DSCAM: variants seen among roughly 807,000 people sequenced by gnomAD.
DSCAM encodes cell adhesion molecule DSCAM.
In DSCAM, 47 loss-of-function variants were observed where a neutral mutation model predicts 217.7. The ratio of observed to expected loss-of-function variants is 0.22; its 90% CI spans 0.17 to 0.28. The LOEUF (loss-of-function observed/expected upper bound fraction) is 0.28. Ranked by LOEUF, DSCAM falls within the 10% of genes least tolerant of loss-of-function variation. DSCAM has a pLI of 1.00. For missense variants in DSCAM, 2,080 were observed against 2,618.3 expected (o/e 0.79, Z 4.49); for synonymous variants, 1,056 against 1,015.3 (o/e 1.04, Z -0.76).
intron 3 of DSCAM, among the ~76,000 whole-genome samples, chr21:40,683,557 G>A (rs1195474802): frequency 2.6e-5 from 4 of 152,084 alleles, no homozygotes; most frequent in Admixed American, 6.6e-5. Flanking sequence ...CAAGAAATAC[G>A]GTAATTACTA....
chr21:40,293,131 C>A (rs1370421253), intron 10 of DSCAM, among the ~76,000 whole-genome samples: 1 of 152,142 alleles, frequency 6.6e-6, no homozygotes, highest in Admixed American at 6.5e-5. Context: ...GTATCCAACA[C>A]CCCCTCTGAC....
intron 11 of DSCAM, among the ~76,000 whole-genome samples, chr21:40,258,705 T>C (rs2073407477): frequency 1.3e-5 from 2 of 152,262 alleles, no homozygotes; most frequent in Non-Finnish European, 2.9e-5. Flanking sequence ...CATTAGGTCA[T>C]AGCCTGTTCC....
chr21:40,710,349 C>G (rs150134690), intron 1 of DSCAM, among the ~76,000 whole-genome samples: 1 of 152,298 alleles, frequency 6.6e-6, no homozygotes, highest in African/African-American at 2.4e-5. Context: ...CCTACAGTGT[C>G]TGTTTTGATT....
intron 1 of DSCAM, among the ~76,000 whole-genome samples, chr21:40,823,075 G>A (rs963123353): frequency 2.6e-5 from 4 of 152,128 alleles, no homozygotes; most frequent in South Asian, 2.1e-4. Context: ...GCTTGAACCC[G>A]GGAGGCAGAA....
intron 1 of DSCAM, among the ~76,000 whole-genome samples, chr21:40,794,431 C>A (rs927657519): frequency 2.0e-5 from 3 of 151,502 alleles, no homozygotes; most frequent in African/African-American, 7.3e-5. Flanking sequence ...GGGACTCAGG[C>A]AACATCAGTT....
intron 3 of DSCAM, among the ~76,000 whole-genome samples, chr21:40,672,196 T>C (rs755794173): frequency 1.1e-4 from 17 of 152,138 alleles, no homozygotes; most frequent in Non-Finnish European, 2.1e-4. Context: ...ACAGTCACAT[T>C]GGGGGTTAGG....
chr21:40,207,140 T>C (rs928679690), intron 11 of DSCAM, among the ~76,000 whole-genome samples: 3 of 151,896 alleles, frequency 2.0e-5, no homozygotes, highest in East Asian at 1.9e-4. Context: ...GTAACTATAG[T>C]AAAAAAGTAT....
At chr21:40,814,740 GA>G (rs2123559297) in intron 1 of DSCAM, among the ~76,000 whole-genome samples, 1 of 152,326 alleles carries the variant, frequency 6.6e-6, no homozygotes, top group Non-Finnish European at 1.5e-5. Flanking sequence ...TGCAGAGGCA[GA>G]AATAAAAACA....
chr21:40,407,098 T>C (rs1247914735), intron 3 of DSCAM, among the ~76,000 whole-genome samples: 2 of 152,198 alleles, frequency 1.3e-5, no homozygotes, highest in African/African-American at 4.8e-5. Flanking sequence ...TTAATAGCAA[T>C]GTATTGTATA....
At chr21:40,447,108 G>A (rs528530044) in intron 3 of DSCAM, among the ~76,000 whole-genome samples, 2 of 152,248 alleles carry the variant, frequency 1.3e-5, no homozygotes, top group Non-Finnish European at 2.9e-5. Flanking sequence ...TAGCAGCACA[G>A]GGGTCACTGT....
chr21:40,248,226 T>C (rs996091447), intron 11 of DSCAM, among the ~76,000 whole-genome samples: 7 of 152,336 alleles, frequency 4.6e-5, no homozygotes, highest in Admixed American at 4.6e-4. Context: ...TTCCCCATTA[T>C]CCTGGGAATT....
chr21:40,484,924 T>C (rs562005380), intron 3 of DSCAM, among the ~76,000 whole-genome samples: 1 of 152,336 alleles, frequency 6.6e-6, no homozygotes, highest in African/African-American at 2.4e-5. Context: ...TCCCAGCCTG[T>C]AGCTTCCTGC....
chr21:40,293,325 G>A (rs545958664), intron 10 of DSCAM, among the ~76,000 whole-genome samples: 38 of 152,216 alleles, frequency 2.5e-4, no homozygotes, highest in African/African-American at 8.7e-4. Context: ...TCCTCCTACA[G>A]GGAAATGTGA....
At chr21:40,290,208 A>C (rs1330600164) in intron 10 of DSCAM, among the ~76,000 whole-genome samples, 1 of 152,234 alleles carries the variant, frequency 6.6e-6, no homozygotes, top group African/African-American at 2.4e-5. Flanking sequence ...GAACACTTAG[A>C]GATACAATTC....
intron 4 of DSCAM, among the ~76,000 whole-genome samples, chr21:40,360,129 T>TG: frequency 1.5e-5 from 2 of 132,830 alleles, no homozygotes; most frequent in Non-Finnish European, 3.2e-5. Context: ...TAGTCTTTTT[T>TG]TTTTTTTTTT....
chr21:40,453,700 G>A (rs184148995), intron 3 of DSCAM, among the ~76,000 whole-genome samples: 28 of 152,280 alleles, frequency 1.8e-4, no homozygotes, highest in Non-Finnish European at 2.6e-4. Context: ...CTTCTTTTAA[G>A]AACAGATAAT....
At chr21:40,385,796 T>TA (rs757444598) in intron 3 of DSCAM, among the ~76,000 whole-genome samples, 8 of 149,962 alleles carry the variant, frequency 5.3e-5, no homozygotes, top group South Asian at 2.1e-4. Flanking sequence ...TTTATATATA[T>TA]TTTTTTAAGA....
intron 10 of DSCAM, among the ~76,000 whole-genome samples, chr21:40,286,346 G>A (rs112028245): frequency 0.014 from 2,111 of 152,152 alleles, 51 homozygotes; most frequent in African/African-American, 0.048. Flanking sequence ...GGCAGCAAGG[G>A]CAAAAAAAGA....
At chr21:40,521,384 A>G (rs371933662) in intron 3 of DSCAM, among the ~76,000 whole-genome samples, 1 of 152,124 alleles carries the variant, frequency 6.6e-6, no homozygotes, top group Non-Finnish European at 1.5e-5. Flanking sequence ...ACAGTGTGTA[A>G]GGGTTTCCTT....
Sources: gnomAD v4.1 joint callset for allele counts (sites outside exome capture counted in the v4.1 genomes callset) on GRCh38, gnomAD v4.1.1 for gene constraint, MANE v1.5 for transcripts, NCBI Gene and HGNC (gene_info 2026-07-23, HGNC 2026-07-21) for gene names.